Variants in SEC62 observed in about 807,000 individuals in gnomAD.
The protein encoded by SEC62 is SEC62 preprotein translocation factor.
SEC62 carries 10 observed loss-of-function variants against 47.5 expected under a neutral mutation model. The ratio of observed to expected loss-of-function variants is 0.21; its 90% CI spans 0.13 to 0.36. The LOEUF (loss-of-function observed/expected upper bound fraction) is 0.36, where lower values mean the gene tolerates loss of function less well. Ranked by LOEUF, SEC62 falls within the 10% of genes least tolerant of loss-of-function variation. The probability of loss-of-function intolerance (pLI) is 1.00; values close to 1 mark genes in which losing one functional copy is unlikely to be tolerated. For synonymous variants in SEC62, 136 were observed against 150.5 expected, an observed-to-expected ratio of 0.90 and a Z score of 0.71; for missense variants, 327 against 464.1, an observed-to-expected ratio of 0.70 and a Z score of 2.71.
chr3:169,973,997 T>G (rs1714768606), intron 1 of SEC62, among the ~76,000 whole-genome samples: 2 of 152,262 alleles, frequency 1.3e-5, no homozygotes, highest in Non-Finnish European at 2.9e-5. Flanking sequence ...AAGTTAAAGC[T>G]GAAACGTAGG....
Position 169,988,180 on chromosome 3 carries a change from T to G in SEC62, c.611-60T>G, listed in dbSNP as rs186763445. 6 of 1,584,744 alleles carry G rather than the reference T, an allele frequency of 3.8e-6. No homozygotes were observed. The East Asian group carries it at 6.7e-5, about 18-fold the overall frequency. Reference sequence around the variant, plus strand: ...TCCCCCAGGGATATGTTTCTGTTAGTGCAGCCATACCATTTAAGTTTTTAT... The same window carrying G: ...TCCCCCAGGGATATGTTTCTGTTAGGGCAGCCATACCATTTAAGTTTTTAT... On this transcript the variant is annotated intron_variant, in intron 6 of 7. Coordinates refer to ENST00000337002, the MANE Select transcript of SEC62 (RefSeq NM_003262.4).
intron 2 of SEC62, among the ~76,000 whole-genome samples, chr3:169,976,280 A>T (rs1035981298): frequency 1.3e-5 from 2 of 152,082 alleles, no homozygotes; most frequent in African/African-American, 2.4e-5. Context: ...AAGTGAGAGG[A>T]TGGCTTGAGC....
In SEC62 at chr3:169,993,266, G is replaced by T; in HGVS notation, c.*203G>T. 2.1e-6 allele frequency: 1 copy of T among 473,244 alleles called. No individual in the cohort carries two copies. The highest frequency in any genetic ancestry group is 3.7e-6 in the Non-Finnish European group (1 of 269,394). 29.3% of individuals were successfully genotyped at this position (473,244 alleles called of 1,614,324 possible). A position where few individuals can be genotyped will look rare whatever the true frequency, so the allele number is the denominator to read the frequency against. ...TGGTACAGTTTAAAGCCATTAATAT[G>T]TTTTATCCATTTGATAATTTTACAG... On this transcript the variant is annotated 3_prime_UTR_variant, in exon 8 of 8. Coordinates refer to ENST00000337002, the MANE Select transcript of SEC62 (RefSeq NM_003262.4).
chr3:169,996,639 A>T lies in SEC62; in HGVS notation c.*3576A>T, dbSNP rs907202549. 1.2e-4 allele frequency: 19 copies of T among 152,182 alleles called. No homozygotes were observed. Among genetic ancestry groups the T allele is most frequent in the African/African-American group, 4.6e-4 (19 of 41,402 alleles). 9.4% of individuals were successfully genotyped at this position (152,182 alleles called of 1,614,324 possible). Reference sequence around the variant, plus strand: ...TGGCCAAGGAGTGTCCTGGCCAGAGATCAGAGGATGGTAGGGTGCCTATTC... The same window carrying T: ...TGGCCAAGGAGTGTCCTGGCCAGAGTTCAGAGGATGGTAGGGTGCCTATTC... On this transcript the variant is annotated 3_prime_UTR_variant, in exon 8 of 8. Coordinates refer to ENST00000337002, the MANE Select transcript of SEC62 (RefSeq NM_003262.4).
chr3:169,983,741 A>G (rs1201427197), intron 5 of SEC62: 2 of 152,364 alleles, frequency 1.3e-5, no homozygotes, highest in South Asian at 2.1e-4. Context: ...CTTGAATTCC[A>G]TTGGCCAGAA....
At chr3:169,975,266 G>A (rs1318237250) in intron 1 of SEC62, among the ~76,000 whole-genome samples, 1 of 138,882 alleles carries the variant, frequency 7.2e-6, no homozygotes, top group Admixed American at 7.4e-5. Flanking sequence ...AGGCAACAGA[G>A]TGAGACTCCA....
At chr3:169,990,582 A>T (rs907484397) in intron 7 of SEC62, among the ~76,000 whole-genome samples, 4 of 152,116 alleles carry the variant, frequency 2.6e-5, no homozygotes, top group Non-Finnish European at 4.4e-5. Context: ...CTTTGGTTTG[A>T]TACAAGATTT....
chr3:169,987,792 G>A (rs1415517663), intron 6 of SEC62, among the ~76,000 whole-genome samples: 1 of 152,216 alleles, frequency 6.6e-6, no homozygotes, highest in Non-Finnish European at 1.5e-5. Flanking sequence ...TTCAGTCTGT[G>A]GATGTCAGAG....
rs560648343 is a variant in SEC62, at chr3:169,973,577, C to T, written c.37-2031C>T. On this transcript the variant is annotated intron_variant, in intron 1 of 7. Coordinates refer to ENST00000337002, the MANE Select transcript of SEC62 (RefSeq NM_003262.4). The stretch of plus-strand genomic sequence containing the variant: ...ACTCGGGAGGCTGAGGCATGAGAAT[C>T]GCTGGAACTCAGGAGGTGGGGGTTG... Among the ~76,000 whole-genome samples, 10 of 151,356 alleles carry T rather than the reference C, an allele frequency of 6.6e-5. 1 individual carries two copies. The East Asian group carries it at 1.4e-3, about 21-fold the overall frequency.
chr3:169,970,708 A>C (rs1283927350), intron 1 of SEC62, among the ~76,000 whole-genome samples: 1 of 152,184 alleles, frequency 6.6e-6, no homozygotes, highest in African/African-American at 2.4e-5. Context: ...TCCAGCCTAA[A>C]TTTATTGGCT....
rs890243598 is a variant in SEC62, at chr3:169,992,038, A to G, written c.731-556A>G. 3.3e-5 allele frequency among the ~76,000 whole-genome samples: 5 copies of G among 152,188 alleles called. No individual in the cohort carries two copies. The highest frequency in any genetic ancestry group is 7.4e-5 in the Non-Finnish European group (5 of 68,018). On this transcript the variant is annotated intron_variant, in intron 7 of 7. Transcript: ENST00000337002. This position sits in a 1 kb window ranked among gnomAD's most constrained non-coding sequence, Gnocchi z 4.0. ...AAAAGGGCCTAGGGCCTTGGGAAGT[A>G]TGATGCAGCCCTGCTTTTCCTTCTT...
At position 169,983,281 on chromosome 3, in the gene SEC62, C is replaced by A; in HGVS notation, c.549+28C>A. 7 of 1,503,048 alleles carry A rather than the reference C, an allele frequency of 4.7e-6. No homozygotes were observed. The South Asian group carries it at 6.2e-5, about 13-fold the overall frequency. The allele number at this position is 1,503,048 out of a possible 1,614,324, so 93.1% of individuals were successfully genotyped here. ...GAGAGTAAGCCTATAACTAGAAGTT[C>A]AGTTTTCTATAGGAGTTTTTAGAAA... is the stretch of plus-strand genomic sequence containing the variant. On this transcript the variant is annotated intron_variant, in intron 5 of 7. Transcript: ENST00000337002.
At chr3:169,967,126 G>A (rs111297653) in intron 1 of SEC62, among the ~76,000 whole-genome samples, 31 of 152,334 alleles carry the variant, frequency 2.0e-4, no homozygotes, top group African/African-American at 7.0e-4. Context: ...CTGCGGAGGC[G>A]CGGCTGTGGG....
chr3:169,992,623 C>G lies in SEC62; in HGVS notation c.760C>G (p.Leu254Val). Residue 254 changes from leucine to valine, a missense_variant, in exon 8 of 8, where the codon CTC (leucine) becomes GTC (valine). Leu to Val is a conservative substitution (Grantham distance 32). Transcript: ENST00000337002. This position sits in a 1 kb window ranked among gnomAD's most constrained non-coding sequence, Gnocchi z 4.0. ...ATGCATTCTATTTCTCATCATTTGG[C>G]TCATAACTGGAGGAAGGCACCACTT... Reference protein sequence around the residue: ...ARCILFLIIWLITGGRHHFWF... With the variant: ...ARCILFLIIWVITGGRHHFWF... 1 of 1,613,608 alleles carries G rather than the reference C, an allele frequency of 6.2e-7. No individual in the cohort carries two copies. The highest frequency in any genetic ancestry group is 8.5e-7 in the Non-Finnish European group (1 of 1,179,904).
chr3:169,994,492 C>T lies in SEC62; in HGVS notation c.*1429C>T, dbSNP rs1715326889. The T allele has an allele frequency of 6.6e-6, 1 of 152,578 alleles. No individual in the cohort carries two copies. The highest frequency in any genetic ancestry group is 6.5e-5 in the Admixed American group (1 of 15,276). 9.5% of individuals were successfully genotyped at this position (152,578 alleles called of 1,614,324 possible). On this transcript the variant is annotated 3_prime_UTR_variant, in exon 8 of 8. Coordinates refer to ENST00000337002, the MANE Select transcript of SEC62 (RefSeq NM_003262.4). ...TTCTGTATCGACACATTTTATTAAACTTGGCTTGATTGCTTCTTTATAGTA... is the reference window on the plus strand; with the variant it reads ...TTCTGTATCGACACATTTTATTAAATTTGGCTTGATTGCTTCTTTATAGTA...
In SEC62 at chr3:169,993,066, TGACTAATTTTGG is replaced by T. The variant is rs770740975; in HGVS notation, c.*8_*19del. The T allele has an allele frequency of 6.3e-7, 1 of 1,575,800 alleles. No homozygotes were observed. Among genetic ancestry groups the T allele is most frequent in the South Asian group, 1.2e-5 (1 of 83,888 alleles). On this transcript the variant is annotated 3_prime_UTR_variant, in exon 8 of 8. Transcript: ENST00000337002. ...AATCTTCACATGAAAAATCATAATC[TGACTAATTTTGG>T]GACTGAATGAATAAGTACAAGAGGT...
rs150809293 is a variant in SEC62 at position 169,993,015 on chromosome 3, A to G, written c.1152A>G (p.Glu384=). The G allele has an allele frequency of 2.3e-5, 37 of 1,610,512 alleles. No individual in the cohort carries two copies. The South Asian group carries it at 2.3e-4, about 10-fold the overall frequency. ...ATGGGGATTGTGAAGAGGATGAGGA[A>G]GAGGAAAATGATGGAGAAACACCTA... The part of the protein sequence containing the change: ...QTDGDCEEDE[E]EENDGETPKS... The change falls in exon 8 of 8, where the codon GAA becomes GAG. Residue 384 remains glutamate (E), a synonymous_variant. Coordinates refer to ENST00000337002, the MANE Select transcript of SEC62 (RefSeq NM_003262.4).
Position 169,993,065 on chromosome 3 carries a change from C to A in SEC62, c.*2C>A. On this transcript the variant is annotated 3_prime_UTR_variant, in exon 8 of 8. Coordinates refer to ENST00000337002, the MANE Select transcript of SEC62 (RefSeq NM_003262.4). The stretch of plus-strand genomic sequence containing the variant: ...AAATCTTCACATGAAAAATCATAAT[C>A]TGACTAATTTTGGGACTGAATGAAT... 1 of 1,581,430 alleles carries A rather than the reference C, an allele frequency of 6.3e-7. No individual in the cohort carries two copies.
chr3:169,985,735 A>G, intron 5 of SEC62, 70 bp from the exon 6 acceptor site: 3 of 1,247,592 alleles, frequency 2.4e-6, no homozygotes, highest in Non-Finnish European at 3.4e-6. Flanking sequence ...GACCTAAAAT[A>G]TAGAATTAAG....
Sources: allele counts gnomAD v4.1 joint callset (sites outside exome capture counted in the v4.1 genomes callset), GRCh38; gene constraint gnomAD v4.1.1; non-coding constraint Gnocchi (gnomAD v3.1); transcripts MANE v1.5; gene names NCBI Gene and HGNC (gene_info 2026-07-23, HGNC 2026-07-21).